Variants in SFMBT2 observed in about 807,000 individuals in gnomAD.
The protein encoded by SFMBT2 is scm-like with four MBT domains protein 2.
In SFMBT2, 38 loss-of-function variants were observed where a neutral mutation model predicts 110.1. That is an observed-to-expected ratio of 0.35 (90% confidence interval 0.27 to 0.45). SFMBT2 has a LOEUF of 0.45. SFMBT2 is among the 20% of genes least tolerant of loss of function. The pLI is 1.00. For missense variants in SFMBT2, 1,011 were observed against 1,094.9 expected (o/e 0.92, Z 1.08); for synonymous variants, 425 against 425.4 (o/e 1.00, Z 0.01).
chr10:7,200,536 T>A, intron 13 of SFMBT2, 52 bp from the exon 14 acceptor site: 5 of 1,419,538 alleles, frequency 3.5e-6, no homozygotes, highest in Non-Finnish European at 4.8e-6. Flanking sequence ...TAGAAGGAAC[T>A]ACTACATTCC....
chr10:7,302,778 A>G (rs1377064251), intron 4 of SFMBT2, among the ~76,000 whole-genome samples: 1 of 152,200 alleles, frequency 6.6e-6, no homozygotes, highest in Non-Finnish European at 1.5e-5. Context: ...CCCCGCGCCT[A>G]AAATACAAGC....
intron 11 of SFMBT2, chr10:7,206,344 C>G: frequency 1.0e-6 from 1 of 985,364 alleles, no homozygotes; most frequent in Non-Finnish European, 1.2e-6. Context: ...CCTCAGGGCC[C>G]ACATCTAAGC....
intron 20 of SFMBT2, among the ~76,000 whole-genome samples, chr10:7,167,835 G>A (rs917503221): frequency 2.6e-5 from 4 of 152,018 alleles, no homozygotes; most frequent in African/African-American, 7.2e-5. Flanking sequence ...TTTCTCTCTC[G>A]TAAGAGAAAC....
rs781440130 is a variant in SFMBT2, at chr10:7,370,387, C to CAA, written c.101-14_101-13dup. On this transcript the variant is annotated splice_polypyrimidine_tract_variant and intron_variant, in intron 2 of 20. Coordinates refer to ENST00000397167, the MANE Select transcript of SFMBT2 (RefSeq NM_001387889.1). ...GCTTGAGCCTTCTTCTGTTGAAAAACAAAAGAACAGAATATCAATACTGGA... is the reference window on the plus strand; with the variant it reads ...GCTTGAGCCTTCTTCTGTTGAAAAACAAAAAAGAACAGAATATCAATACTGGA... 1.2e-6 allele frequency: 2 copies of CAA among 1,609,212 alleles called. No homozygotes were observed. Among genetic ancestry groups the CAA allele is most frequent in the Non-Finnish European group, 8.5e-7 (1 of 1,176,174 alleles).
intron 2 of SFMBT2, among the ~76,000 whole-genome samples, chr10:7,375,444 C>G (rs1845173473): frequency 6.6e-6 from 1 of 152,046 alleles, no homozygotes; most frequent in Admixed American, 6.6e-5. Context: ...TACTGAGCAC[C>G]TTCTTAGATG....
intron 4 of SFMBT2, among the ~76,000 whole-genome samples, chr10:7,313,119 T>A (rs912321429): frequency 3.5e-4 from 53 of 151,890 alleles, no homozygotes; most frequent in African/African-American, 1.2e-3. Context: ...GTACATCCCA[T>A]AAGTCATGAA....
chr10:7,180,024 G>A (rs1359053090), intron 16 of SFMBT2, among the ~76,000 whole-genome samples: 4 of 152,256 alleles, frequency 2.6e-5, no homozygotes, highest in Non-Finnish European at 5.9e-5. Context: ...GGCTGGGGAA[G>A]CTGGCGGATG....
chr10:7,238,018 A>G (rs2131703610), intron 9 of SFMBT2, among the ~76,000 whole-genome samples: 2 of 152,320 alleles, frequency 1.3e-5, no homozygotes, highest in East Asian at 1.9e-4. Context: ...ATGACGCTGG[A>G]CAGGGCAGTG....
At position 7,180,754 on chromosome 10, in the gene SFMBT2, G is replaced by C. The variant is rs188220573; in HGVS notation, c.1809-4589C>G. Among the ~76,000 whole-genome samples, 11 of 152,280 alleles carry C rather than the reference G, an allele frequency of 7.2e-5. No individual in the cohort carries two copies. In the East Asian group the frequency reaches 2.1e-3, roughly 29 times the overall value. The stretch of plus-strand genomic sequence containing the variant: ...GGAGGGACGCAGGGGGGAGGCCGTC[G>C]CATGTGGGGACAGCTGTTGGGAGGG... On this transcript the variant is annotated intron_variant, in intron 16 of 20. Coordinates refer to ENST00000397167, the MANE Select transcript of SFMBT2 (RefSeq NM_001387889.1).
At chr10:7,351,296 G>A (rs749339709) in intron 4 of SFMBT2, among the ~76,000 whole-genome samples, 16 of 152,146 alleles carry the variant, frequency 1.1e-4, no homozygotes, top group Non-Finnish European at 2.2e-4. Flanking sequence ...TATGTGCAAG[G>A]CATTATAAGA....
In SFMBT2 at chr10:7,173,045, CAGGTGGCTG is replaced by C. The variant is rs1837938868; in HGVS notation, c.1985-393_1985-385del. ...AGAGGCCCCATGAGGACACAGGGTG[CAGGTGGCTG>C]CCTGAGGCCCAGGAAGGATCTCATC... is the stretch of plus-strand genomic sequence containing the variant. On this transcript the variant is annotated intron_variant, in intron 17 of 20. Coordinates refer to ENST00000397167, the MANE Select transcript of SFMBT2 (RefSeq NM_001387889.1). Among the ~76,000 whole-genome samples, 11 of 152,332 alleles carry C rather than the reference CAGGTGGCTG, an allele frequency of 7.2e-5. No individual in the cohort carries two copies. The South Asian group carries it at 2.3e-3, about 32-fold the overall frequency.
intron 1 of SFMBT2, among the ~76,000 whole-genome samples, chr10:7,397,723 A>G (rs1564475077): frequency 6.6e-6 from 1 of 152,250 alleles, no homozygotes; most frequent in Non-Finnish European, 1.5e-5. Context: ...TCGCAGCAGT[A>G]CCAGGAAGAA....
At chr10:7,305,882 T>C (rs1172110670) in intron 4 of SFMBT2, among the ~76,000 whole-genome samples, 1 of 152,196 alleles carries the variant, frequency 6.6e-6, no homozygotes, top group Admixed American at 6.5e-5. Context: ...GCAGGAACAG[T>C]GTGGGGAAGT....
chr10:7,291,591 T>C (rs1679111887), intron 4 of SFMBT2, among the ~76,000 whole-genome samples: 1 of 152,168 alleles, frequency 6.6e-6, no homozygotes, highest in Admixed American at 6.5e-5. Flanking sequence ...TCAGAAGCTT[T>C]CCTGGAATAT....
At chr10:7,315,102 A>G (rs914554840) in intron 4 of SFMBT2, among the ~76,000 whole-genome samples, 4 of 144,736 alleles carry the variant, frequency 2.8e-5, no homozygotes, top group Non-Finnish European at 4.7e-5. Flanking sequence ...GAAAGAAAGA[A>G]AGAAAGAAAA....
At chr10:7,351,813 C>T (rs2132013270) in intron 4 of SFMBT2, among the ~76,000 whole-genome samples, 2 of 151,922 alleles carry the variant, frequency 1.3e-5, no homozygotes, top group East Asian at 3.9e-4. Context: ...TATTAGGGCG[C>T]AGATACTTCT....
chr10:7,163,623 G>A lies in SFMBT2; in HGVS notation c.*147C>T, dbSNP rs370823145. On this transcript the variant is annotated 3_prime_UTR_variant, in exon 21 of 21. Transcript: ENST00000397167. This position sits in a 1 kb window ranked among gnomAD's most constrained non-coding sequence, Gnocchi z 4.8. Reference sequence around the variant, plus strand: ...ACATGGAAACAGCTCACAGGCTGGCGGAGGCAGAAGATCCTGGGCTTCTGG... The same window carrying A: ...ACATGGAAACAGCTCACAGGCTGGCAGAGGCAGAAGATCCTGGGCTTCTGG... 71 of 682,720 alleles carry A rather than the reference G, an allele frequency of 1.0e-4. No homozygotes were observed. The highest frequency in any genetic ancestry group is 4.0e-4 in the East Asian group (14 of 35,250). 42.3% of individuals were successfully genotyped at this position (682,720 alleles called of 1,614,324 possible). A position where few individuals can be genotyped will look rare whatever the true frequency, so the allele number is the denominator to read the frequency against.
intron 7 of SFMBT2, among the ~76,000 whole-genome samples, chr10:7,257,644 G>C (rs758958821): frequency 2.0e-5 from 3 of 152,208 alleles, no homozygotes; most frequent in Non-Finnish European, 4.4e-5. Context: ...ATTCATGTCT[G>C]CTGGGCCTGC....
At chr10:7,371,920 AT>A (rs762872004) in intron 2 of SFMBT2, among the ~76,000 whole-genome samples, 44 of 77,734 alleles carry the variant, frequency 5.7e-4, no homozygotes, top group Middle Eastern at 0.011. Flanking sequence ...TCCACCTGTA[AT>A]TTTTTTTTTT....
Sources: gnomAD v4.1 joint callset for allele counts (sites outside exome capture counted in the v4.1 genomes callset) on GRCh38, gnomAD v4.1.1 for gene constraint, Gnocchi (gnomAD v3.1) non-coding constraint, MANE v1.5 for transcripts, NCBI Gene and HGNC (gene_info 2026-07-23, HGNC 2026-07-21) for gene names.